The following ASS1 variants were observed in gnomAD, a reference collection of about 807,000 sequenced individuals.
ASS1 encodes argininosuccinate synthase 1.
ASS1 carries 58 observed loss-of-function variants against 60.5 expected under a neutral mutation model. That is an observed-to-expected ratio of 0.96 (90% CI 0.78 to 1.19). The LOEUF (loss-of-function observed/expected upper bound fraction) is 1.19. ASS1 is among the 50% of genes most tolerant of loss of function. The probability of loss-of-function intolerance (pLI) is 0.00; values close to 1 mark genes in which losing one functional copy is unlikely to be tolerated. For synonymous variants in ASS1, 200 were observed against 206.9 expected, an observed-to-expected ratio of 0.97 and a Z score of 0.29; for missense variants, 454 against 547.3, an observed-to-expected ratio of 0.83 and a Z score of 1.70.
rs541264805 is a variant in ASS1 at position 130,462,210 on chromosome 9, G to A, written c.364-1901G>A. 5.4e-3 allele frequency among the ~76,000 whole-genome samples: 829 copies of A among 152,280 alleles called. 2 individuals carry two copies. Among genetic ancestry groups the A allele is most frequent in the Non-Finnish European group, 7.9e-3 (536 of 68,004 alleles). On this transcript the variant is annotated intron_variant, in intron 4 of 14. Coordinates refer to ENST00000352480, the MANE Select transcript of ASS1 (RefSeq NM_054012.4). ...GATTCTGAGACTCTAGCCGGGGAGC[G>A]AGAGTTTTGTAAATGGCACCATCTG...
At chr9:130,456,199 C>T (rs908012394) in intron 3 of ASS1, among the ~76,000 whole-genome samples, 1 of 152,220 alleles carries the variant, frequency 6.6e-6, no homozygotes, top group Admixed American at 6.5e-5. Flanking sequence ...GGCACAGTGG[C>T]TCACGCCTGT....
intron 3 of ASS1, among the ~76,000 whole-genome samples, chr9:130,455,092 A>C (rs1845418084): frequency 6.7e-6 from 1 of 148,266 alleles, no homozygotes; most frequent in African/African-American, 2.5e-5. Context: ...CCATTCATCC[A>C]GCCATCATCC....
At chr9:130,451,045 G>A (rs550572348) in intron 1 of ASS1, among the ~76,000 whole-genome samples, 12 of 152,234 alleles carry the variant, frequency 7.9e-5, no homozygotes, top group Non-Finnish European at 1.6e-4. Flanking sequence ...AGGTGACCTC[G>A]TCTCCCTAAC....
chr9:130,454,940 T>C (rs1316517999), intron 3 of ASS1, among the ~76,000 whole-genome samples: 3 of 149,066 alleles, frequency 2.0e-5, no homozygotes, highest in Non-Finnish European at 4.4e-5. Context: ...CATTCATCCA[T>C]CCATCCATCA....
In ASS1 at chr9:130,489,209, G is replaced by A. The variant is rs985790178; in HGVS notation, c.839-124G>A. ...AAGCTGGGAGTGAATGGGTCCGGCC[G>A]GCTTGTCTCCTGTCAGACGACTCAT... On this transcript the variant is annotated intron_variant, in intron 11 of 14. Transcript: ENST00000352480. This position sits in a 1 kb window ranked among gnomAD's most constrained non-coding sequence, Gnocchi z 4.1. 5.2e-5 allele frequency: 72 copies of A among 1,376,340 alleles called. No homozygotes were observed. The highest frequency in any genetic ancestry group is 6.0e-5 in the Non-Finnish European group (60 of 1,000,824). The allele number at this position is 1,376,340 out of a possible 1,614,324, so 85.3% of individuals were successfully genotyped here. A position where few individuals can be genotyped will look rare whatever the true frequency, so the allele number is the denominator to read the frequency against.
chr9:130,451,134 G>C (rs1339669161), intron 1 of ASS1, among the ~76,000 whole-genome samples: 1 of 152,200 alleles, frequency 6.6e-6, no homozygotes, highest in Non-Finnish European at 1.5e-5. Context: ...GGGGAGGGGG[G>C]TGCAGGGCGA....
chr9:130,465,588 G>A (rs1023706719), intron 5 of ASS1, among the ~76,000 whole-genome samples: 2 of 152,224 alleles, frequency 1.3e-5, no homozygotes, highest in South Asian at 2.1e-4. Context: ...AGCACAGGCC[G>A]GGACTGAGCT....
At chr9:130,481,019 C>T (rs548481214) in intron 11 of ASS1, among the ~76,000 whole-genome samples, 26 of 152,238 alleles carry the variant, frequency 1.7e-4, no homozygotes, top group Non-Finnish European at 3.4e-4. Context: ...GTGTGACATG[C>T]CTGCCACCTC....
At chr9:130,485,377 G>A (rs1846283943) in intron 11 of ASS1, among the ~76,000 whole-genome samples, 1 of 152,176 alleles carries the variant, frequency 6.6e-6, no homozygotes, top group African/African-American at 2.4e-5. Flanking sequence ...TCTAAGAGAG[G>A]GGGCTGAGAC....
chr9:130,450,067 CAG>C (rs1845293041), intron 1 of ASS1, among the ~76,000 whole-genome samples: 1 of 152,190 alleles, frequency 6.6e-6, no homozygotes, highest in South Asian at 2.1e-4. Context: ...CACACGCAAA[CAG>C]GGGTAGGCTT....
chr9:130,493,736 T>A (rs1038767172), intron 12 of ASS1, among the ~76,000 whole-genome samples: 1 of 151,720 alleles, frequency 6.6e-6, no homozygotes, highest in South Asian at 2.1e-4. Flanking sequence ...GCCCTGTCCC[T>A]CCCCCCGCCA....
At chr9:130,474,348 C>G (rs942344786) in intron 8 of ASS1, among the ~76,000 whole-genome samples, 1 of 152,188 alleles carries the variant, frequency 6.6e-6, no homozygotes, top group Non-Finnish European at 1.5e-5. Flanking sequence ...CCCATCCCCT[C>G]TCCTTCCAAA....
At chr9:130,482,650 C>T (rs1358140740) in intron 11 of ASS1, among the ~76,000 whole-genome samples, 1 of 152,090 alleles carries the variant, frequency 6.6e-6, no homozygotes, top group African/African-American at 2.4e-5. Context: ...ACCTGGAATG[C>T]ACTATTCTGA....
chr9:130,500,253 T>C (rs1426386218), intron 14 of ASS1, among the ~76,000 whole-genome samples: 3 of 152,086 alleles, frequency 2.0e-5, no homozygotes, highest in Admixed American at 2.0e-4. Context: ...GCAGCTAACA[T>C]AGACTAAGCT....
intron 6 of ASS1, 97 bp downstream of exon 6, chr9:130,466,896 G>T: frequency 7.2e-7 from 1 of 1,380,094 alleles, no homozygotes; most frequent in Non-Finnish European, 1.0e-6. Context: ...GGCCTAGGCC[G>T]GGACTGACCC....
intron 4 of ASS1, among the ~76,000 whole-genome samples, chr9:130,461,284 G>A (rs1268361629): frequency 6.6e-6 from 1 of 152,178 alleles, no homozygotes; most frequent in Admixed American, 6.5e-5. Flanking sequence ...CCCCGGACCA[G>A]CCCACATTTA....
At chr9:130,483,981 T>G (rs1421242324) in intron 11 of ASS1, among the ~76,000 whole-genome samples, 1 of 152,008 alleles carries the variant, frequency 6.6e-6, no homozygotes, top group African/African-American at 2.4e-5. Context: ...ACATTCCAGA[T>G]GGAGAATGGA....
chr9:130,452,345 A>G lies in ASS1; in HGVS notation c.105+12A>G. ...TCATTGCCTATCTGGTGAGGGAGCG[A>G]CCTGGGTGTCTGTCTTCCTGCGTGT... is the stretch of plus-strand genomic sequence containing the variant. On this transcript the variant is annotated intron_variant, in intron 2 of 14. Transcript: ENST00000352480. 3.1e-6 allele frequency: 5 copies of G among 1,609,850 alleles called. No homozygotes were observed. The highest frequency in any genetic ancestry group is 4.3e-6 in the Non-Finnish European group (5 of 1,176,224).
chr9:130,455,028 TCCA>T (rs1845414044), intron 3 of ASS1, among the ~76,000 whole-genome samples: 2 of 147,060 alleles, frequency 1.4e-5, no homozygotes, highest in Non-Finnish European at 3.0e-5. Flanking sequence ...CATCCATCCA[TCCA>T]TCATCCATCC....
Sources: allele counts gnomAD v4.1 joint callset (sites outside exome capture counted in the v4.1 genomes callset), GRCh38; gene constraint gnomAD v4.1.1; non-coding constraint Gnocchi (gnomAD v3.1); transcripts MANE v1.5; gene names NCBI Gene and HGNC (gene_info 2026-07-23, HGNC 2026-07-21).